RBMS3: variants seen among roughly 807,000 people sequenced by gnomAD.
RBMS3 encodes the protein RNA binding motif single stranded interacting protein 3.
In RBMS3, 27 loss-of-function variants were observed where a neutral mutation model predicts 66.8. That is an observed-to-expected ratio of 0.40 (90% CI 0.30 to 0.56). The LOEUF is 0.56. Ranked by LOEUF, RBMS3 falls within the 20% of genes least tolerant of loss-of-function variation. The probability of loss-of-function intolerance (pLI) is 0.40; values close to 1 mark genes in which losing one functional copy is unlikely to be tolerated. For synonymous variants in RBMS3, 188 were observed against 183.0 expected (o/e 1.03, Z -0.22); for missense variants, 513 against 549.5 (o/e 0.93, Z 0.66).
chr3:29,594,412 T>C (rs2047872189), intron 4 of RBMS3, among the ~76,000 whole-genome samples: 1 of 152,194 alleles, frequency 6.6e-6, no homozygotes, highest in South Asian at 2.1e-4. Flanking sequence ...TGGAATGCAC[T>C]TTAAATAACT....
At chr3:29,486,048 T>C (rs143054205) in intron 2 of RBMS3, among the ~76,000 whole-genome samples, 1 of 152,324 alleles carries the variant, frequency 6.6e-6, no homozygotes, top group African/African-American at 2.4e-5. Flanking sequence ...TCTAATCTAC[T>C]AGTATACTTT....
chr3:29,585,424 G>A (rs993757968), intron 3 of RBMS3, among the ~76,000 whole-genome samples: 5 of 152,150 alleles, frequency 3.3e-5, no homozygotes, highest in Admixed American at 6.6e-5. Flanking sequence ...ATGGTATGGT[G>A]TATTTGAAAG....
intron 2 of RBMS3, among the ~76,000 whole-genome samples, chr3:29,469,962 A>T (rs1305860435): frequency 6.8e-6 from 1 of 147,928 alleles, no homozygotes; most frequent in Non-Finnish European, 1.5e-5. Context: ...TAAATAATTT[A>T]TATGAAATTA....
At chr3:29,734,809 T>C (rs980414524) in intron 4 of RBMS3, among the ~76,000 whole-genome samples, 1 of 152,124 alleles carries the variant, frequency 6.6e-6, no homozygotes, top group African/African-American at 2.4e-5. Context: ...AGTGTAATGA[T>C]GAAAAGTTGG....
At chr3:29,684,147 G>T in intron 4 of RBMS3, among the ~76,000 whole-genome samples, 1 of 152,128 alleles carries the variant, frequency 6.6e-6, no homozygotes, top group East Asian at 1.9e-4. Flanking sequence ...GCATTCAGGA[G>T]ATATAATTAA....
At chr3:29,584,665 A>G (rs2047447914) in intron 3 of RBMS3, among the ~76,000 whole-genome samples, 1 of 152,116 alleles carries the variant, frequency 6.6e-6, no homozygotes, top group South Asian at 2.1e-4. Flanking sequence ...CCAACCAAAC[A>G]AACAAAACCA....
chr3:29,529,764 T>C (rs1362011290), intron 3 of RBMS3, among the ~76,000 whole-genome samples: 1 of 152,218 alleles, frequency 6.6e-6, no homozygotes, highest in Non-Finnish European at 1.5e-5. Flanking sequence ...TTTTCTATTC[T>C]GTGAACTGGA....
At chr3:29,818,337 AT>A (rs58738536) in intron 6 of RBMS3, among the ~76,000 whole-genome samples, 1,931 of 150,996 alleles carry the variant, frequency 0.013, 38 homozygotes, top group South Asian at 0.05. Context: ...ATACAATTCT[AT>A]TTTTTTTCAA....
At chr3:29,647,228 C>T (rs928633519) in intron 4 of RBMS3, among the ~76,000 whole-genome samples, 1 of 152,188 alleles carries the variant, frequency 6.6e-6, no homozygotes, top group Admixed American at 6.5e-5. Context: ...ATCCGCCTGC[C>T]TCGGCCACCC....
chr3:29,516,155 T>C (rs1442417809), intron 3 of RBMS3, among the ~76,000 whole-genome samples: 1 of 152,208 alleles, frequency 6.6e-6, no homozygotes, highest in Admixed American at 6.5e-5. Flanking sequence ...TACTGTTGTT[T>C]CTGACTTTGG....
intron 4 of RBMS3, among the ~76,000 whole-genome samples, chr3:29,661,012 T>C (rs2050523150): frequency 6.6e-6 from 1 of 152,216 alleles, no homozygotes; most frequent in Non-Finnish European, 1.5e-5. Flanking sequence ...GTGATCCTTT[T>C]TGCCCACTCT....
chr3:29,726,056 A>T (rs2053857911), intron 4 of RBMS3, among the ~76,000 whole-genome samples: 1 of 152,206 alleles, frequency 6.6e-6, no homozygotes, highest in Non-Finnish European at 1.5e-5. Flanking sequence ...GGTTCAACAT[A>T]TGCAAATCAA....
At chr3:29,490,079 C>A (rs898085370) in intron 3 of RBMS3, among the ~76,000 whole-genome samples, 14 of 140,134 alleles carry the variant, frequency 1.0e-4, no homozygotes, top group Admixed American at 2.8e-4. Context: ...CCAGTGAGGA[C>A]AGAAACAAGA....
At chr3:29,914,890 A>C (rs2060600628) in intron 10 of RBMS3, among the ~76,000 whole-genome samples, 1 of 151,790 alleles carries the variant, frequency 6.6e-6, no homozygotes. Context: ...TTTTTATTAA[A>C]TTGTATTTCT....
intron 1 of RBMS3, among the ~76,000 whole-genome samples, chr3:29,427,574 C>T (rs987150795): frequency 7.9e-5 from 12 of 152,136 alleles, no homozygotes; most frequent in African/African-American, 2.7e-4. Context: ...TACATGTGTA[C>T]GTGCAAGCTA....
At chr3:29,838,379 T>C (rs1362261276) in intron 6 of RBMS3, among the ~76,000 whole-genome samples, 1 of 151,952 alleles carries the variant, frequency 6.6e-6, no homozygotes, top group Non-Finnish European at 1.5e-5. Context: ...TACTTTCTAC[T>C]ACAAATATAT....
intron 1 of RBMS3, among the ~76,000 whole-genome samples, chr3:29,354,956 T>C (rs777558995): frequency 2.6e-5 from 4 of 152,134 alleles, no homozygotes; most frequent in Non-Finnish European, 5.9e-5. Flanking sequence ...ATCCATTTCA[T>C]TTTCAGGTGG....
intron 4 of RBMS3, among the ~76,000 whole-genome samples, chr3:29,635,347 A>G (rs1479392772): frequency 6.6e-6 from 1 of 151,888 alleles, no homozygotes; most frequent in Non-Finnish European, 1.5e-5. Context: ...ATCTCAGTTG[A>G]TGGCAGTACC....
chr3:29,291,893 G>A (rs1158927949), intron 1 of RBMS3, among the ~76,000 whole-genome samples: 1 of 151,730 alleles, frequency 6.6e-6, no homozygotes, highest in African/African-American at 2.4e-5. Context: ...CATAAGCCAA[G>A]TGTGATGGTT....
Sources: gnomAD v4.1 joint callset for allele counts (sites outside exome capture counted in the v4.1 genomes callset) on GRCh38, gnomAD v4.1.1 for gene constraint, MANE v1.5 for transcripts, NCBI Gene and HGNC (gene_info 2026-07-23, HGNC 2026-07-21) for gene names.